Variants in SLC9A9 observed in about 807,000 individuals in gnomAD.
SLC9A9 encodes the protein sodium/hydrogen exchanger 9.
Under a neutral mutation model 77.8 loss-of-function variants are expected in SLC9A9, and 62 were observed. That is an observed-to-expected ratio of 0.80 (90% CI 0.65 to 0.98). The LOEUF (loss-of-function observed/expected upper bound fraction) is 0.98, where lower values mean the gene tolerates loss of function less well. SLC9A9 is among the 50% of genes least tolerant of loss of function. SLC9A9 has a pLI of 0.00. For synonymous variants in SLC9A9, 320 were observed against 283.5 expected (o/e 1.13, Z -1.29); for missense variants, 775 against 774.9 (o/e 1.00, Z 0.00).
At position 143,702,787 on chromosome 3, in the gene SLC9A9, A is replaced by C. The variant is rs185464974; in HGVS notation, c.534-9480T>G. Among the ~76,000 whole-genome samples the C allele has an allele frequency of 1.8e-3, 279 of 152,208 alleles. 1 individual carries two copies. Among genetic ancestry groups the C allele is most frequent in the African/African-American group, 4.8e-3 (198 of 41,584 alleles). Reference sequence around the variant, plus strand: ...TAGAGTGGCTGAATGGATGAAAAAAACAAAAAACAAAACAAGACCCAGTGG... The same window carrying C: ...TAGAGTGGCTGAATGGATGAAAAAACCAAAAAACAAAACAAGACCCAGTGG... On this transcript the variant is annotated intron_variant, in intron 4 of 15. Coordinates refer to ENST00000316549, the MANE Select transcript of SLC9A9 (RefSeq NM_173653.4).
intron 6 of SLC9A9, among the ~76,000 whole-genome samples, chr3:143,584,620 T>A (rs972772866): frequency 2.0e-5 from 3 of 152,168 alleles, no homozygotes; most frequent in Non-Finnish European, 4.4e-5. Context: ...AACAAAAAAA[T>A]TATTGGCACC....
intron 14 of SLC9A9, among the ~76,000 whole-genome samples, chr3:143,307,594 C>T (rs2030844867): frequency 6.6e-6 from 1 of 152,192 alleles, no homozygotes; most frequent in African/African-American, 2.4e-5. Flanking sequence ...TCTGTCTGCA[C>T]CCACATTTTC....
At chr3:143,578,825 T>G in intron 6 of SLC9A9, 102 bp from the exon 7 acceptor site, 1 of 1,401,960 alleles carries the variant, frequency 7.1e-7, no homozygotes, top group Non-Finnish European at 1.0e-6. Context: ...CCTGTAATGT[T>G]GGGTGCTGGT....
intron 11 of SLC9A9, among the ~76,000 whole-genome samples, chr3:143,486,345 G>A (rs2035652524): frequency 6.6e-6 from 1 of 151,992 alleles, no homozygotes; most frequent in African/African-American, 2.4e-5. Context: ...ATACTAAGTA[G>A]TAACTTGAGC....
chr3:143,574,747 G>A (rs2037327269), intron 7 of SLC9A9, among the ~76,000 whole-genome samples: 1 of 152,156 alleles, frequency 6.6e-6, no homozygotes, highest in South Asian at 2.1e-4. Flanking sequence ...GTTATTTATA[G>A]GTTCCATTAT....
intron 12 of SLC9A9, among the ~76,000 whole-genome samples, chr3:143,459,310 TA>T (rs992384578): frequency 2.0e-5 from 3 of 152,078 alleles, no homozygotes; most frequent in Admixed American, 6.6e-5. Context: ...ATTCATATGC[TA>T]AAAAAATTAT....
At chr3:143,702,910 A>G (rs966294195) in intron 4 of SLC9A9, among the ~76,000 whole-genome samples, 1 of 152,138 alleles carries the variant, frequency 6.6e-6, no homozygotes, top group Non-Finnish European at 1.5e-5. Context: ...GAAACCAAAA[A>G]AGAGCAAAAG....
chr3:143,570,032 T>C (rs1298420093), intron 8 of SLC9A9, among the ~76,000 whole-genome samples: 2 of 151,830 alleles, frequency 1.3e-5, no homozygotes, highest in East Asian at 3.9e-4. Flanking sequence ...TCTGGAACTC[T>C]TGGGCCCAAG....
chr3:143,629,562 C>T (rs970066061), intron 6 of SLC9A9, among the ~76,000 whole-genome samples: 15 of 149,916 alleles, frequency 1.0e-4, no homozygotes, highest in Middle Eastern at 3.4e-3. Flanking sequence ...AGTATATGTG[C>T]GTGTGTGTGC....
chr3:143,655,681 TACACACACACAC>T (rs4024568), intron 5 of SLC9A9: 29 of 627,152 alleles, frequency 4.6e-5, no homozygotes, highest in Admixed American at 6.5e-5. Flanking sequence ...CATGCACATG[TACACACACACAC>T]ACACACACAC....
chr3:143,738,006 CATTTT>C (rs1934986072), intron 4 of SLC9A9, among the ~76,000 whole-genome samples: 3 of 152,186 alleles, frequency 2.0e-5, no homozygotes, highest in Non-Finnish European at 4.4e-5. Context: ...TACATAGTAA[CATTTT>C]ATTCCATGCT....
At chr3:143,348,972 G>A (rs2032378102) in intron 14 of SLC9A9, among the ~76,000 whole-genome samples, 1 of 152,218 alleles carries the variant, frequency 6.6e-6, no homozygotes. Flanking sequence ...TTGCTGCTTT[G>A]TGACTGCTGG....
intron 5 of SLC9A9, among the ~76,000 whole-genome samples, chr3:143,652,920 T>A (rs2038825012): frequency 6.6e-6 from 1 of 152,070 alleles, no homozygotes; most frequent in Admixed American, 6.5e-5. Flanking sequence ...CCTTTCTGGA[T>A]CCCAGCATTT....
chr3:143,485,894 A>G (rs1390717127), intron 11 of SLC9A9, among the ~76,000 whole-genome samples: 1 of 152,132 alleles, frequency 6.6e-6, no homozygotes, highest in East Asian at 1.9e-4. Flanking sequence ...ATATATGAAC[A>G]AAAAGGAAAT....
rs957167760 is a variant in SLC9A9, at chr3:143,806,072, C to G, written c.379-9169G>C. On this transcript the variant is annotated intron_variant, in intron 2 of 15. Transcript: ENST00000316549. Reference sequence around the variant, plus strand: ...CTTTATCCTTTATTCTTTTCCCCCCCACCTCTTCCCACATCCCCTACCCCC... The same window carrying G: ...CTTTATCCTTTATTCTTTTCCCCCCGACCTCTTCCCACATCCCCTACCCCC... Among the ~76,000 whole-genome samples the G allele has an allele frequency of 1.1e-4, 17 of 150,858 alleles. No homozygotes were observed. In the East Asian group the frequency reaches 1.4e-3, roughly 12 times the overall value.
At chr3:143,348,596 T>A (rs1041998797) in intron 14 of SLC9A9, among the ~76,000 whole-genome samples, 1 of 152,192 alleles carries the variant, frequency 6.6e-6, no homozygotes, top group African/African-American at 2.4e-5. Flanking sequence ...GAATGTATAC[T>A]CCTTTTTTAA....
intron 12 of SLC9A9, among the ~76,000 whole-genome samples, chr3:143,417,710 A>T (rs930276389): frequency 6.2e-4 from 94 of 152,108 alleles, no homozygotes; most frequent in African/African-American, 2.2e-3. Context: ...CAGCACTTTG[A>T]TATTGGTCAT....
chr3:143,574,144 AGGCC>A lies in SLC9A9; in HGVS notation c.940_943del (p.Gly314CysfsTer18), dbSNP rs2037316614. On this transcript the variant is annotated frameshift_variant, in exon 8 of 16. Coordinates refer to ENST00000316549, the MANE Select transcript of SLC9A9 (RefSeq NM_173653.4). LOFTEE classifies it high-confidence loss of function. ...GGCACTCCAAGAAAGCAGGAAAAAC[AGGCC>A]GGTTTCCAGCATCGGGAACTCACAC... 6.2e-7 allele frequency: 1 copy of A among 1,613,476 alleles called. No individual in the cohort carries two copies. Among genetic ancestry groups the A allele is most frequent in the South Asian group, 1.1e-5 (1 of 91,078 alleles).
At chr3:143,818,499 G>T (rs2009079192) in intron 2 of SLC9A9, among the ~76,000 whole-genome samples, 1 of 151,912 alleles carries the variant, frequency 6.6e-6, no homozygotes, top group South Asian at 2.1e-4. Flanking sequence ...TAGAGACTGG[G>T]TTTCACCATG....
Sources: allele counts gnomAD v4.1 joint callset (sites outside exome capture counted in the v4.1 genomes callset), GRCh38; gene constraint gnomAD v4.1.1; transcripts MANE v1.5; gene names NCBI Gene and HGNC (gene_info 2026-07-23, HGNC 2026-07-21).